The following GRXCR1 variants were observed in gnomAD, a reference collection of about 807,000 sequenced individuals.
The protein encoded by GRXCR1 is glutaredoxin domain-containing cysteine-rich protein 1.
GRXCR1 carries 27 observed loss-of-function variants against 27.3 expected under a neutral mutation model. The ratio of observed to expected loss-of-function variants is 0.99; its 90% CI spans 0.73 to 1.37. The LOEUF is 1.37. Among genes scored for constraint, GRXCR1 ranks in the 40% most tolerant of loss-of-function variants. The probability of loss-of-function intolerance (pLI) is 0.00; values close to 1 mark genes in which losing one functional copy is unlikely to be tolerated. For synonymous variants in GRXCR1, 122 were observed against 131.1 expected (o/e 0.93, Z 0.47); for missense variants, 379 against 354.4 (o/e 1.07, Z -0.56).
At chr4:42,987,921 C>T (rs898239459) in intron 2 of GRXCR1, among the ~76,000 whole-genome samples, 1 of 152,140 alleles carries the variant, frequency 6.6e-6, no homozygotes, top group African/African-American at 2.4e-5. Flanking sequence ...TATCTACCTT[C>T]TATTGTGGCT....
intron 1 of GRXCR1, among the ~76,000 whole-genome samples, chr4:42,909,023 AG>A (rs1483416660): frequency 5.9e-5 from 9 of 152,190 alleles, no homozygotes; most frequent in African/African-American, 2.2e-4. Context: ...AACAAGACAT[AG>A]GGTTTATTGA....
intron 1 of GRXCR1, among the ~76,000 whole-genome samples, chr4:42,912,566 C>T (rs1696742847): frequency 6.6e-6 from 1 of 152,110 alleles, no homozygotes; most frequent in African/African-American, 2.4e-5. Context: ...TTTTCATATG[C>T]CAGGTTTGGA....
At chr4:42,911,606 T>C (rs1746724050) in intron 1 of GRXCR1, among the ~76,000 whole-genome samples, 1 of 151,958 alleles carries the variant, frequency 6.6e-6, no homozygotes, top group South Asian at 2.1e-4. Flanking sequence ...AGATAGGACT[T>C]TAATTAAACA....
chr4:43,016,708 A>C (rs1311665267), intron 2 of GRXCR1, among the ~76,000 whole-genome samples: 2 of 151,922 alleles, frequency 1.3e-5, no homozygotes. Flanking sequence ...CACAGTGCCT[A>C]ATCCCTAATG....
intron 1 of GRXCR1, among the ~76,000 whole-genome samples, chr4:42,954,388 G>A (rs909319354): frequency 3.3e-5 from 5 of 152,058 alleles, no homozygotes; most frequent in African/African-American, 1.2e-4. Flanking sequence ...GTGGTCCTTT[G>A]GTCATTGTAT....
chr4:42,924,752 T>C (rs1466926383), intron 1 of GRXCR1, among the ~76,000 whole-genome samples: 1 of 151,994 alleles, frequency 6.6e-6, no homozygotes, highest in Non-Finnish European at 1.5e-5. Context: ...AATAAATGCA[T>C]AATGTACCAT....
intron 3 of GRXCR1, among the ~76,000 whole-genome samples, chr4:43,024,086 A>G (rs999533622): frequency 1.3e-5 from 2 of 151,982 alleles, no homozygotes; most frequent in Admixed American, 1.3e-4. Flanking sequence ...AAGATCTCAG[A>G]TGGCAGAGAA....
chr4:42,895,152 A>G (rs1442845869), intron 1 of GRXCR1, among the ~76,000 whole-genome samples: 2 of 152,010 alleles, frequency 1.3e-5, no homozygotes, highest in African/African-American at 4.8e-5. Context: ...AGTGCTTTAA[A>G]CTCACAAAAA....
At chr4:42,969,776 C>A (rs1312109502) in intron 2 of GRXCR1, among the ~76,000 whole-genome samples, 2 of 151,992 alleles carry the variant, frequency 1.3e-5, no homozygotes, top group Admixed American at 1.3e-4. Flanking sequence ...CTGGACTCTC[C>A]CAAATCTCAT....
At chr4:42,969,475 A>G (rs1286878776) in intron 2 of GRXCR1, among the ~76,000 whole-genome samples, 2 of 152,166 alleles carry the variant, frequency 1.3e-5, no homozygotes, top group African/African-American at 2.4e-5. Flanking sequence ...ATACAGTCAT[A>G]TGCATTCACA....
At chr4:42,979,564 T>C (rs1748602415) in intron 2 of GRXCR1, among the ~76,000 whole-genome samples, 1 of 152,114 alleles carries the variant, frequency 6.6e-6, no homozygotes, top group African/African-American at 2.4e-5. Flanking sequence ...GTTGAGGATT[T>C]TTGCATGTAC....
intron 1 of GRXCR1, among the ~76,000 whole-genome samples, chr4:42,932,296 C>T (rs1712421254): frequency 6.6e-6 from 1 of 151,756 alleles, no homozygotes; most frequent in African/African-American, 2.4e-5. Flanking sequence ...TGGCCCCTGG[C>T]ATCCAGCTGT....
At chr4:42,927,450 T>A (rs1196662551) in intron 1 of GRXCR1, among the ~76,000 whole-genome samples, 1 of 152,002 alleles carries the variant, frequency 6.6e-6, no homozygotes, top group South Asian at 2.1e-4. Flanking sequence ...GTATGTAACC[T>A]AGACTATAAA....
rs369168500 is a variant in GRXCR1, at chr4:42,898,170, C to A, written c.384+4520C>A. 4.0e-4 allele frequency among the ~76,000 whole-genome samples: 61 copies of A among 151,958 alleles called. 1 individual carries two copies. In the South Asian group the frequency reaches 0.01, roughly 25 times the overall value. On this transcript the variant is annotated intron_variant, in intron 1 of 3. Transcript: ENST00000399770. ...TATCATGTAATAAGACTAAACATAT[C>A]ATGTTATTATATAATCTGGCCTTTT...
chr4:42,963,437 CTG>C lies in GRXCR1; in HGVS notation c.627+305_627+306del, dbSNP rs546863018. ...TGAAGCTTGGCATGTGGGATAAAGA[CTG>C]TATTTTTAGTGTAGGCAAGAAAAAT... On this transcript the variant is annotated intron_variant, in intron 2 of 3. Transcript: ENST00000399770. Among the ~76,000 whole-genome samples the C allele has an allele frequency of 5.4e-3, 821 of 152,022 alleles. 10 individuals carry two copies. The highest frequency in any genetic ancestry group is 0.019 in the African/African-American group (774 of 41,496).
chr4:42,925,003 T>C (rs1747125755), intron 1 of GRXCR1, among the ~76,000 whole-genome samples: 1 of 151,962 alleles, frequency 6.6e-6, no homozygotes, highest in Admixed American at 6.6e-5. Flanking sequence ...CTGCAATTTG[T>C]TTGCAGATAA....
At chr4:42,934,330 G>T (rs2109758931) in intron 1 of GRXCR1, among the ~76,000 whole-genome samples, 1 of 151,562 alleles carries the variant, frequency 6.6e-6, no homozygotes, top group East Asian at 2.0e-4. Context: ...GCAGTAAAAA[G>T]TGCAAAATGG....
chr4:42,910,187 G>C (rs540827590), intron 1 of GRXCR1, among the ~76,000 whole-genome samples: 3 of 152,030 alleles, frequency 2.0e-5, no homozygotes, highest in African/African-American at 7.2e-5. Context: ...GAACGGCATG[G>C]GGGAAACCAC....
rs187953638 is a variant in GRXCR1 at position 42,900,753 on chromosome 4, A to G, written c.384+7103A>G. On this transcript the variant is annotated intron_variant, in intron 1 of 3. Transcript: ENST00000399770. ...GACTAACGAGGGTCATCTTAGTTAA[A>G]AAGGGGACAAGAGCTGGGTGGTCTG... Among the ~76,000 whole-genome samples, 748 of 152,216 alleles carry G rather than the reference A, an allele frequency of 4.9e-3. 7 individuals carry two copies. Among genetic ancestry groups the G allele is most frequent in the African/African-American group, 0.017 (719 of 41,546 alleles).
Sources: allele counts gnomAD v4.1 joint callset (sites outside exome capture counted in the v4.1 genomes callset), GRCh38; gene constraint gnomAD v4.1.1; transcripts MANE v1.5; gene names NCBI Gene and HGNC (gene_info 2026-07-23, HGNC 2026-07-21).